LAMA1: variants seen among roughly 807,000 people sequenced by gnomAD.
The protein encoded by LAMA1 is laminin subunit alpha 1.
In LAMA1, 219 loss-of-function variants were observed where a neutral mutation model predicts 348.7. The ratio of observed to expected loss-of-function variants is 0.63; its 90% confidence interval spans 0.56 to 0.70. LAMA1 has a LOEUF of 0.70. Ranked by LOEUF, LAMA1 falls within the 30% of genes least tolerant of loss-of-function variation. The pLI, the probability that LAMA1 is intolerant of heterozygous loss-of-function variation, is 0.00. For synonymous variants in LAMA1, 1,487 were observed against 1,491.0 expected (o/e 1.00, Z 0.06); for missense variants, 3,744 against 3,888.0 (o/e 0.96, Z 0.99).
Position 6,976,009 on chromosome 18 carries a change from G to A in LAMA1, c.6417C>T (p.Tyr2139=). ...TCTTAACATTTAGTGTTAAGGTATTGTAGTTGGTAGAGGAAATCTGAGGCT... is the reference window on the plus strand; with the variant it reads ...TCTTAACATTTAGTGTTAAGGTATTATAGTTGGTAGAGGAAATCTGAGGCT... The part of the protein sequence containing the change: ...AYQPQISSTN[Y]NTLTLNVKTQ... Residue 2139 remains tyrosine (Y), a synonymous_variant, in exon 45 of 63, where the codon TAC becomes TAT. Transcript: ENST00000389658. 1 of 1,614,176 alleles carries A rather than the reference G, an allele frequency of 6.2e-7. No individual in the cohort carries two copies.
At chr18:7,116,843 C>G (rs2143846321) in intron 1 of LAMA1, among the ~76,000 whole-genome samples, 1 of 152,190 alleles carries the variant, frequency 6.6e-6, no homozygotes, top group South Asian at 2.1e-4. Context: ...TCTTCTCTCT[C>G]TCTCTCTTTC....
intron 61 of LAMA1, among the ~76,000 whole-genome samples, chr18:6,945,327 T>C (rs190878350): frequency 6.6e-6 from 1 of 152,244 alleles, no homozygotes; most frequent in East Asian, 1.9e-4. Context: ...TAGTTCTGGT[T>C]TGTCATGAAT....
intron 17 of LAMA1, among the ~76,000 whole-genome samples, chr18:7,025,352 C>A (rs759351556): frequency 1.3e-4 from 20 of 152,194 alleles, no homozygotes; most frequent in Admixed American, 2.6e-4. Flanking sequence ...CCTTCTCCTG[C>A]AAATCTGAGA....
At chr18:6,964,523 G>A in intron 51 of LAMA1, 139 bp downstream of exon 51, 8 of 1,017,706 alleles carry the variant, frequency 7.9e-6, no homozygotes, top group Non-Finnish European at 1.2e-5. Flanking sequence ...CCTTGCTTTT[G>A]GACTTGCAGC....
intron 3 of LAMA1, among the ~76,000 whole-genome samples, chr18:7,052,811 G>A (rs1468861234): frequency 1.3e-5 from 2 of 152,018 alleles, no homozygotes; most frequent in Non-Finnish European, 2.9e-5. Context: ...ATGAGGTCAG[G>A]AGATCGAGAC....
chr18:7,025,807 G>A (rs1475390842), intron 17 of LAMA1, among the ~76,000 whole-genome samples, 172 bp downstream of exon 17: 3 of 152,162 alleles, frequency 2.0e-5, no homozygotes, highest in African/African-American at 7.2e-5. Flanking sequence ...TAAGCCAAAC[G>A]TTGGTTTACA....
chr18:6,992,819 A>G, intron 35 of LAMA1, 99 bp from the exon 36 acceptor site: 1 of 1,021,388 alleles, frequency 9.8e-7, no homozygotes, highest in Non-Finnish European at 1.5e-6. Flanking sequence ...TGCTCTGTTT[A>G]CCTAAGCTGA....
At chr18:7,093,227 T>TAACA (rs1417139612) in intron 1 of LAMA1, among the ~76,000 whole-genome samples, 1 of 152,090 alleles carries the variant, frequency 6.6e-6, no homozygotes, top group Non-Finnish European at 1.5e-5. Context: ...CCATCCTGGC[T>TAACA]AACACGGTGA....
In LAMA1 at chr18:6,999,629, T is replaced by G. The variant is rs625106; in HGVS notation, c.4479A>C (p.Ser1493=). 6.2e-7 allele frequency: 1 copy of G among 1,609,142 alleles called. No individual in the cohort carries two copies. The highest frequency in any genetic ancestry group is 1.3e-5 in the African/African-American group (1 of 74,798). The change falls in exon 32 of 63, where the codon TCA becomes TCC. Residue 1493 remains serine, a synonymous_variant. Coordinates refer to ENST00000389658, the MANE Select transcript of LAMA1 (RefSeq NM_005559.4). ...GTGTTTGAGGGTTCCCATAATAGCTTGAGGAGCACCTACAGAAAGGAAGGG... is the reference window on the plus strand; with the variant it reads ...GTGTTTGAGGGTTCCCATAATAGCTGGAGGAGCACCTACAGAAAGGAAGGG... ...YEGKHCERCS[S]SYYGNPQTPG...
chr18:6,976,709 C>A (rs1041296772), intron 44 of LAMA1, among the ~76,000 whole-genome samples: 1 of 151,970 alleles, frequency 6.6e-6, no homozygotes, highest in African/African-American at 2.4e-5. Flanking sequence ...TAGGCTTGAG[C>A]AATCCTCCTG....
In LAMA1 at chr18:6,942,373, A is replaced by G. The variant is rs539188022; in HGVS notation, c.9068-134T>C. On this transcript the variant is annotated intron_variant, in intron 62 of 62. Transcript: ENST00000389658. ...TTTTCACTATCAAAATTAGGAGAAT[A>G]TCTTCCACATATGTGGTGTCAGTGA... The G allele has an allele frequency of 1.1e-4, 101 of 945,686 alleles. No individual in the cohort carries two copies. The East Asian group carries it at 2.4e-3, about 22-fold the overall frequency. The allele number at this position is 945,686 out of a possible 1,614,324, so 58.6% of individuals were successfully genotyped here. A position where few individuals can be genotyped will look rare whatever the true frequency, so the allele number is the denominator to read the frequency against.
intron 4 of LAMA1, 125 bp from the exon 5 acceptor site, chr18:7,049,382 C>T: frequency 3.7e-6 from 3 of 800,034 alleles, no homozygotes; most frequent in Non-Finnish European, 6.2e-6. Flanking sequence ...TCACTGTAAC[C>T]TCCACCTCCC....
chr18:7,076,423 A>G (rs543980648), intron 3 of LAMA1, among the ~76,000 whole-genome samples: 122 of 152,268 alleles, frequency 8.0e-4, no homozygotes, highest in Non-Finnish European at 1.4e-3. Context: ...CTGGAATCTA[A>G]TCAGGTCTCT....
chr18:6,984,098 TG>T (rs1024450691), intron 39 of LAMA1, among the ~76,000 whole-genome samples: 6 of 152,196 alleles, frequency 3.9e-5, no homozygotes, highest in Non-Finnish European at 5.9e-5. Flanking sequence ...TTTTTCTCTT[TG>T]GGGGAAATGA....
chr18:6,987,894 T>A (rs544530264), intron 36 of LAMA1, among the ~76,000 whole-genome samples: 1 of 152,326 alleles, frequency 6.6e-6, no homozygotes, highest in South Asian at 2.1e-4. Flanking sequence ...AATATATTTC[T>A]AATGTGTGAT....
chr18:7,079,831 G>T, intron 3 of LAMA1, 144 bp downstream of exon 3: 1 of 700,796 alleles, frequency 1.4e-6, no homozygotes. Context: ...GACTCCTTCT[G>T]TATACCACTT....
intron 16 of LAMA1, among the ~76,000 whole-genome samples, chr18:7,031,423 A>G (rs1270125951): frequency 6.6e-6 from 1 of 152,208 alleles, no homozygotes; most frequent in Non-Finnish European, 1.5e-5. Flanking sequence ...ATTGCATGAA[A>G]GAAGTACCTG....
rs1418908570 is a variant in LAMA1, at chr18:6,947,160, C to A, written c.8844+3G>T. On this transcript the variant is annotated splice_donor_region_variant and intron_variant, in intron 61 of 62. Coordinates refer to ENST00000389658, the MANE Select transcript of LAMA1 (RefSeq NM_005559.4). ...AAGACCCTCATGGAGAGGAAGCACCCACCTTGCCGTCCACAAGCTCTAGTC... is the reference window on the plus strand; with the variant it reads ...AAGACCCTCATGGAGAGGAAGCACCAACCTTGCCGTCCACAAGCTCTAGTC... 1 of 1,614,222 alleles carries A rather than the reference C, an allele frequency of 6.2e-7. No individual in the cohort carries two copies. The highest frequency in any genetic ancestry group is 1.7e-5 in the Admixed American group (1 of 60,030).
chr18:7,092,925 T>G (rs781549360), intron 1 of LAMA1, among the ~76,000 whole-genome samples: 2 of 152,150 alleles, frequency 1.3e-5, no homozygotes, highest in Non-Finnish European at 2.9e-5. Context: ...TGGCAGCACA[T>G]GCTCATTCAC....
Sources: gnomAD v4.1 joint callset for allele counts (sites outside exome capture counted in the v4.1 genomes callset) on GRCh38, gnomAD v4.1.1 for gene constraint, MANE v1.5 for transcripts, NCBI Gene and HGNC (gene_info 2026-07-23, HGNC 2026-07-21) for gene names.